The following FAM83G variants were observed in gnomAD, a reference collection of about 807,000 sequenced individuals.
FAM83G encodes scaffolding CK1 anchoring protein G.
FAM83G carries 38 observed loss-of-function variants against 61.5 expected under a neutral mutation model. That is an observed-to-expected ratio of 0.62 (90% CI 0.48 to 0.81). The LOEUF is 0.81. FAM83G is among the 30% of genes least tolerant of loss of function. The probability of loss-of-function intolerance (pLI) is 0.00; values close to 1 mark genes in which losing one functional copy is unlikely to be tolerated. For synonymous variants in FAM83G, 470 were observed against 476.1 expected (o/e 0.99, Z 0.17); for missense variants, 989 against 1,133.6 (o/e 0.87, Z 1.83).
In FAM83G at chr17:18,968,874, A is replaced by C; in HGVS notation, c.*2485T>G. ...CGCACAAGCTTGTAGCTCCACGGCC[A>C]GGTCTTCCCCCAACCTCACAATGGC... On this transcript the variant is annotated 3_prime_UTR_variant, in exon 6 of 6. Transcript: ENST00000388995. The surrounding 1 kb of genome is among the most constrained non-coding windows in gnomAD (Gnocchi z 4.1). 1.7e-6 allele frequency: 1 copy of C among 597,616 alleles called. No individual in the cohort carries two copies. The allele number at this position is 597,616 out of a possible 1,614,324, so 37.0% of individuals were successfully genotyped here.
chr17:18,979,885 C>G (rs144946495), intron 3 of FAM83G, among the ~76,000 whole-genome samples: 1 of 152,078 alleles, frequency 6.6e-6, no homozygotes, highest in Non-Finnish European at 1.5e-5. Context: ...AGCTACAGAG[C>G]GGGCAGGCAC....
chr17:18,971,595 C>T lies in FAM83G; in HGVS notation c.2236G>A (p.Ala746Thr). 1 of 1,613,622 alleles carries T rather than the reference C, an allele frequency of 6.2e-7. No individual in the cohort carries two copies. The highest frequency in any genetic ancestry group is 8.5e-7 in the Non-Finnish European group (1 of 1,180,010). The change falls in exon 6 of 6, where the codon GCC (alanine) becomes ACC (threonine). Residue 746 changes from alanine to threonine, a missense_variant. Ala to Thr is a moderately conservative substitution (Grantham distance 58). This residue lies in a region of FAM83G where 574 missense variants were observed against 645.1 expected (regional missense o/e 0.89). Coordinates refer to ENST00000388995, the MANE Select transcript of FAM83G (RefSeq NM_001039999.3). This position sits in a 1 kb window ranked among gnomAD's most constrained non-coding sequence, Gnocchi z 5.5. ...AGGCGGGGTACCTGACCTCCCTTGG[C>T]CTGCCAGTGGTGGGGGCCAGCCATG... ...PAMAGPHHWQ[A>T]KGGQVPRLLP...
chr17:18,992,625 G>A (rs1031292687), intron 2 of FAM83G, among the ~76,000 whole-genome samples: 4 of 152,210 alleles, frequency 2.6e-5, no homozygotes, highest in African/African-American at 7.2e-5. Flanking sequence ...AGGGTGGAGC[G>A]GGCGGAGTCG....
At chr17:18,991,761 C>T (rs2043431789) in intron 2 of FAM83G, among the ~76,000 whole-genome samples, 1 of 152,188 alleles carries the variant, frequency 6.6e-6, no homozygotes, top group Non-Finnish European at 1.5e-5. Flanking sequence ...CTGCGCAGGC[C>T]ACACAGCCCA....
chr17:18,972,315 G>C (rs1274821087), intron 5 of FAM83G, among the ~76,000 whole-genome samples: 1 of 152,218 alleles, frequency 6.6e-6, no homozygotes, highest in Non-Finnish European at 1.5e-5. Flanking sequence ...GTCCACCATA[G>C]GACAAGGCAG....
chr17:18,991,122 G>C (rs894236618), intron 2 of FAM83G, among the ~76,000 whole-genome samples: 4 of 152,234 alleles, frequency 2.6e-5, no homozygotes, highest in Non-Finnish European at 5.9e-5. Context: ...GAAGCACAGA[G>C]GCATTCGCCA....
At position 18,978,513 on chromosome 17, in the gene FAM83G, G is replaced by C. The variant is rs775382476; in HGVS notation, c.1153C>G (p.Pro385Ala). 1.9e-6 allele frequency: 3 copies of C among 1,613,174 alleles called. No individual in the cohort carries two copies. In the Admixed American group the frequency reaches 5.0e-5, roughly 27 times the overall value. Reference sequence around the variant, plus strand: ...GGCAGCAGCTCGGGGAGTTCCCCTGGATGCTCAGCCAGCGCTGGGCCTTTC... The same window carrying C: ...GGCAGCAGCTCGGGGAGTTCCCCTGCATGCTCAGCCAGCGCTGGGCCTTTC... Reference protein sequence around the residue: ...GLKGPALAEHPGELPELLPPI... With the variant: ...GLKGPALAEHAGELPELLPPI... Residue 385 changes from proline (P) to alanine (A), a missense_variant, in exon 5 of 6, where the codon CCA (proline) becomes GCA (alanine). Physicochemically the swap from Pro to Ala is conservative, Grantham distance 27. Coordinates refer to ENST00000388995, the MANE Select transcript of FAM83G (RefSeq NM_001039999.3).
Position 19,000,694 on chromosome 17 carries a change from C to T in FAM83G, c.522+2826G>A, listed in dbSNP as rs536020980. On this transcript the variant is annotated intron_variant, in intron 2 of 5. Transcript: ENST00000388995. This position sits in a 1 kb window ranked among gnomAD's most constrained non-coding sequence, Gnocchi z 5.2. ...GGGAAGGGGCCAGTGTGCGGCAAGG[C>T]GGCCCAGGCAGAGGGATCCCCATCC... Among the ~76,000 whole-genome samples, 13 of 152,260 alleles carry T rather than the reference C, an allele frequency of 8.5e-5. No homozygotes were observed. The South Asian group carries it at 2.7e-3, about 32-fold the overall frequency.
chr17:18,982,712 TTAAAGGACATGTGATCCAACTGTGCC>T (rs2043170350), intron 3 of FAM83G, among the ~76,000 whole-genome samples: 1 of 152,146 alleles, frequency 6.6e-6, no homozygotes. Flanking sequence ...CCACATGTGC[TTAAAGGACATGTGATCCAACTGTGCC>T]AAGCCCGCTG....
In FAM83G at chr17:18,971,122, G is replaced by C; in HGVS notation, c.*237C>G. The C allele has an allele frequency of 6.2e-7, 1 of 1,614,110 alleles. No homozygotes were observed. Among genetic ancestry groups the C allele is most frequent in the Non-Finnish European group, 8.5e-7 (1 of 1,180,040 alleles). On this transcript the variant is annotated 3_prime_UTR_variant, in exon 6 of 6. Transcript: ENST00000388995. The surrounding 1 kb of genome is among the most constrained non-coding windows in gnomAD (Gnocchi z 5.5). The stretch of plus-strand genomic sequence containing the variant: ...GCCACCTGCCACGTACAGACGCCAT[G>C]CACATGTTTCGAGACCCCCACACAG...
chr17:19,005,874 C>T (rs2043872690), upstream of FAM83G, among the ~76,000 whole-genome samples: 4 of 152,250 alleles, frequency 2.6e-5, no homozygotes, highest in Admixed American at 1.3e-4. Context: ...TTGCATCCTC[C>T]TCCTGCCCCA....
chr17:18,992,438 A>C (rs904319496), intron 2 of FAM83G, among the ~76,000 whole-genome samples: 3 of 152,198 alleles, frequency 2.0e-5, no homozygotes, highest in African/African-American at 7.2e-5. Flanking sequence ...GGGTGACAGC[A>C]TCTCACACAA....
In FAM83G at chr17:18,968,987, C is replaced by T. The variant is rs2042769071; in HGVS notation, c.*2372G>A. ...CCAGAGAGGGCCTTGCCCGAGGTCA[C>T]CCAGGGAGTGGCTTGCTGGAGCCCT... On this transcript the variant is annotated 3_prime_UTR_variant, in exon 6 of 6. Coordinates refer to ENST00000388995, the MANE Select transcript of FAM83G (RefSeq NM_001039999.3). This position sits in a 1 kb window ranked among gnomAD's most constrained non-coding sequence, Gnocchi z 4.1. 3 of 1,531,904 alleles carry T rather than the reference C, an allele frequency of 2.0e-6. No individual in the cohort carries two copies. Among genetic ancestry groups the T allele is most frequent in the African/African-American group, 1.4e-5 (1 of 73,500 alleles). The allele number at this position is 1,531,904 out of a possible 1,614,324, so 94.9% of individuals were successfully genotyped here.
At chr17:18,990,604 A>G (rs1229712365) in intron 2 of FAM83G, among the ~76,000 whole-genome samples, 1 of 152,124 alleles carries the variant, frequency 6.6e-6, no homozygotes, top group Non-Finnish European at 1.5e-5. Context: ...CACTCCCCAC[A>G]TTGCCCTCAG....
At chr17:19,005,039 G>GC (rs960140238), upstream of FAM83G, among the ~76,000 whole-genome samples, 1 of 152,212 alleles carries the variant, frequency 6.6e-6, no homozygotes, top group African/African-American at 2.4e-5. Context: ...ACCCCCCTGT[G>GC]CCCCCAGGGT....
intron 3 of FAM83G, among the ~76,000 whole-genome samples, chr17:18,986,953 TGG>T (rs1276338238): frequency 6.6e-6 from 1 of 152,044 alleles, no homozygotes; most frequent in East Asian, 1.9e-4. Flanking sequence ...GGGAGTGAGG[TGG>T]GTGTGGGGCT....
At chr17:18,987,166 GACC>G (rs2043291711) in intron 3 of FAM83G, among the ~76,000 whole-genome samples, 1 of 152,180 alleles carries the variant, frequency 6.6e-6, no homozygotes, top group Non-Finnish European at 1.5e-5. Context: ...CTTCTCCTAG[GACC>G]ACAAGCCTGA....
intron 2 of FAM83G, among the ~76,000 whole-genome samples, chr17:18,990,252 C>G (rs146170982): frequency 6.6e-6 from 1 of 152,114 alleles, no homozygotes; most frequent in Non-Finnish European, 1.5e-5. Context: ...CTGCTTGGAG[C>G]GGGGGTAGAT....
At position 18,988,353 on chromosome 17, in the gene FAM83G, G is replaced by A; in HGVS notation, c.584C>T (p.Ala195Val). The A allele has an allele frequency of 1.2e-6, 2 of 1,614,242 alleles. No homozygotes were observed. The highest frequency in any genetic ancestry group is 1.7e-6 in the Non-Finnish European group (2 of 1,180,050). Residue 195 changes from alanine to valine, a missense_variant, in exon 3 of 6, where the codon GCC (alanine) becomes GTC (valine). Coordinates refer to ENST00000388995, the MANE Select transcript of FAM83G (RefSeq NM_001039999.3). ...DVDIFKDLLD[A>V]GFKRKVAVYI... is the part of the protein sequence containing the mutation. ...CACGGCCACTTTCCTCTTGAAGCCG[G>A]CGTCCAGCAGGTCCTTGAAGATGTC...
Sources: gnomAD v4.1 joint callset for allele counts (sites outside exome capture counted in the v4.1 genomes callset) on GRCh38, gnomAD v4.1.1 for gene constraint, gnomAD v4.1.1 regional missense constraint, Gnocchi (gnomAD v3.1) non-coding constraint, MANE v1.5 for transcripts, NCBI Gene and HGNC (gene_info 2026-07-23, HGNC 2026-07-21) for gene names.